ZNF14: variants seen among roughly 807,000 people sequenced by gnomAD.
ZNF14 encodes the protein gonadotropin inducible transcription repressor-4.
ZNF14 carries 9 observed loss-of-function variants against 11.3 expected under a neutral mutation model. The observed-to-expected ratio is 0.80, with a 90% CI of 0.48 to 1.39. The LOEUF (loss-of-function observed/expected upper bound fraction) is 1.39, where lower values mean the gene tolerates loss of function less well. Among genes scored for constraint, ZNF14 ranks in the 40% most tolerant of loss-of-function variants. The pLI is 0.00. For synonymous variants in ZNF14, 239 were observed against 245.7 expected (o/e 0.97, Z 0.25); for missense variants, 711 against 763.9 (o/e 0.93, Z 0.82).
At chr19:19,716,061 G>A (rs758134412) in intron 1 of ZNF14, among the ~76,000 whole-genome samples, 1 of 152,108 alleles carries the variant, frequency 6.6e-6, no homozygotes, top group African/African-American at 2.4e-5. Context: ...TACCAGGAGA[G>A]GGTTTATTAC....
At chr19:19,718,541 A>C (rs1286973998) in intron 1 of ZNF14, among the ~76,000 whole-genome samples, 1 of 152,194 alleles carries the variant, frequency 6.6e-6, no homozygotes, top group East Asian at 1.9e-4. Context: ...ACTAAAGACA[A>C]GAAAGAAACA....
chr19:19,716,576 C>A (rs541414336), intron 1 of ZNF14, among the ~76,000 whole-genome samples: 2 of 152,076 alleles, frequency 1.3e-5, no homozygotes, highest in South Asian at 4.2e-4. Flanking sequence ...GGTGTGAGTC[C>A]CCATGCCTGG....
At chr19:19,723,400 G>A (rs1025868592) in intron 1 of ZNF14, among the ~76,000 whole-genome samples, 1 of 152,188 alleles carries the variant, frequency 6.6e-6, no homozygotes, top group Admixed American at 6.5e-5. Flanking sequence ...ATTTGTGTAT[G>A]TTGAACCAGC....
intron 1 of ZNF14, among the ~76,000 whole-genome samples, chr19:19,730,956 G>A (rs950972953): frequency 6.6e-6 from 1 of 151,924 alleles, no homozygotes; most frequent in Non-Finnish European, 1.5e-5. Context: ...AATACAATCA[G>A]GAAAATTATT....
intron 1 of ZNF14, among the ~76,000 whole-genome samples, chr19:19,723,470 T>C (rs1322505551): frequency 6.6e-6 from 1 of 152,244 alleles, no homozygotes; most frequent in Non-Finnish European, 1.5e-5. Context: ...GATGTGCTGC[T>C]GGATTCAGTT....
In ZNF14 at chr19:19,711,509, T is replaced by G; in HGVS notation, c.1772A>C (p.Gln591Pro). 6.2e-7 allele frequency: 1 copy of G among 1,613,918 alleles called. No individual in the cohort carries two copies. The highest frequency in any genetic ancestry group is 2.2e-5 in the East Asian group (1 of 44,856). ...HTGEKPYRCKQCGKAFRFSSS... is the reference protein window; with the variant it reads ...HTGEKPYRCKPCGKAFRFSSS... ...TGAAAATCTGAAGGCTTTCCCACAT[T>G]GTTTACATCGATAGGGTTTCTCTCC... Residue 591 changes from glutamine to proline, a missense_variant, in exon 4 of 4, where the codon CAA becomes CCA. Gln to Pro is a moderately conservative substitution (Grantham distance 76). Transcript: ENST00000344099.
intron 1 of ZNF14, among the ~76,000 whole-genome samples, chr19:19,730,865 T>C (rs1197393469): frequency 6.6e-6 from 1 of 152,072 alleles, no homozygotes; most frequent in East Asian, 1.9e-4. Flanking sequence ...TGAGCCGAGA[T>C]CACCCCATTG....
At position 19,714,700 on chromosome 19, in the gene ZNF14, C is replaced by CCTTTTT. The variant is rs1351305524; in HGVS notation, c.4-219_4-214dup. Among the ~76,000 whole-genome samples, 107 of 128,052 alleles carry CCTTTTT rather than the reference C, an allele frequency of 8.4e-4. 3 individuals are homozygous for CCTTTTT. Among genetic ancestry groups the CCTTTTT allele is most frequent in the South Asian group, 3.6e-3 (13 of 3,658 alleles). The allele number at this position is 128,052 out of a possible 152,430, so 84.0% of individuals were successfully genotyped here. A position where few individuals can be genotyped will look rare whatever the true frequency, so the allele number is the denominator to read the frequency against. On this transcript the variant is annotated intron_variant, in intron 1 of 3. Coordinates refer to ENST00000344099, the MANE Select transcript of ZNF14 (RefSeq NM_021030.3). ...AAATTACTTCTATTTTTTTCTTTTTCCTTTTTCTTTTTCTTTTTTTTTTTT... is the reference window on the plus strand; with the variant it reads ...AAATTACTTCTATTTTTTTCTTTTTCCTTTTTCTTTTTCTTTTTCTTTTTTTTTTTT...
At chr19:19,717,506 T>C (rs2062381175) in intron 1 of ZNF14, among the ~76,000 whole-genome samples, 1 of 152,142 alleles carries the variant, frequency 6.6e-6, no homozygotes, top group African/African-American at 2.4e-5. Context: ...CTCCAGCTCC[T>C]CTTTTCTCTT....
chr19:19,728,982 T>C (rs1429907029), intron 1 of ZNF14, among the ~76,000 whole-genome samples: 4 of 152,154 alleles, frequency 2.6e-5, no homozygotes, highest in South Asian at 2.1e-4. Flanking sequence ...CCCAGTAATC[T>C]TTTCCCCCCG....
intron 1 of ZNF14, among the ~76,000 whole-genome samples, chr19:19,718,809 A>C (rs940846089): frequency 4.6e-5 from 7 of 152,220 alleles, no homozygotes. Flanking sequence ...TCTGTTGCCC[A>C]GGCTGGAGTG....
chr19:19,721,599 C>T (rs1447539406), intron 1 of ZNF14, among the ~76,000 whole-genome samples: 1 of 152,156 alleles, frequency 6.6e-6, no homozygotes, highest in Admixed American at 6.5e-5. Flanking sequence ...TTACTTGCCA[C>T]TCACCTCGTA....
intron 1 of ZNF14, among the ~76,000 whole-genome samples, chr19:19,722,080 T>C (rs1345190844): frequency 6.6e-6 from 1 of 152,154 alleles, no homozygotes; most frequent in Non-Finnish European, 1.5e-5. Flanking sequence ...GTCTTGTTAT[T>C]ACTTAAATTC....
rs928987069 is a variant in ZNF14, at chr19:19,723,728, T to C, written c.3+9228A>G. On this transcript the variant is annotated intron_variant, in intron 1 of 3. Coordinates refer to ENST00000344099, the MANE Select transcript of ZNF14 (RefSeq NM_021030.3). ...CATCTGGTCCTGGGCTTTTTTTGGT[T>C]GGTACGCTACTAACTGTTGCTTCAA... Among the ~76,000 whole-genome samples, 77 of 133,064 alleles carry C rather than the reference T, an allele frequency of 5.8e-4. 23 individuals carry two copies. Among genetic ancestry groups the C allele is most frequent in the Non-Finnish European group, 1.8e-4 (11 of 60,028 alleles). The allele number at this position is 133,064 out of a possible 152,430, so 87.3% of individuals were successfully genotyped here. A position where few individuals can be genotyped will look rare whatever the true frequency, so the allele number is the denominator to read the frequency against.
At chr19:19,728,965 G>T (rs1230454021) in intron 1 of ZNF14, among the ~76,000 whole-genome samples, 2 of 152,126 alleles carry the variant, frequency 1.3e-5, no homozygotes, top group African/African-American at 4.8e-5. Context: ...TGGAAACAAA[G>T]ATTACACCCA....
intron 1 of ZNF14, among the ~76,000 whole-genome samples, chr19:19,718,829 G>A (rs993615648): frequency 2.0e-5 from 3 of 152,088 alleles, no homozygotes; most frequent in East Asian, 3.9e-4. Context: ...GCAGTGGGAC[G>A]ATCCTGGCCC....
chr19:19,719,641 G>C (rs2062386924), intron 1 of ZNF14, among the ~76,000 whole-genome samples: 1 of 152,146 alleles, frequency 6.6e-6, no homozygotes, highest in African/African-American at 2.4e-5. Context: ...CAAGTAAAAT[G>C]CTTAATGAAA....
chr19:19,727,279 A>G lies in ZNF14; in HGVS notation c.3+5677T>C, dbSNP rs1302666699. 1.5e-5 allele frequency among the ~76,000 whole-genome samples: 2 copies of G among 133,870 alleles called. 1 individual carries two copies. 87.8% of individuals were successfully genotyped at this position (133,870 alleles called of 152,430 possible). ...GATACATATTACATATCCAATAATT[A>G]ATATAAAACATAGGATTGACACAAA... On this transcript the variant is annotated intron_variant, in intron 1 of 3. Coordinates refer to ENST00000344099, the MANE Select transcript of ZNF14 (RefSeq NM_021030.3).
At chr19:19,730,070 T>C (rs1179366246) in intron 1 of ZNF14, among the ~76,000 whole-genome samples, 1 of 152,194 alleles carries the variant, frequency 6.6e-6, no homozygotes. Flanking sequence ...GTCTCAAGGC[T>C]GGAGTGCAGT....
Sources: gnomAD v4.1 joint callset for allele counts (sites outside exome capture counted in the v4.1 genomes callset) on GRCh38, gnomAD v4.1.1 for gene constraint, MANE v1.5 for transcripts, NCBI Gene and HGNC (gene_info 2026-07-23, HGNC 2026-07-21) for gene names.